ST13: variants seen among roughly 807,000 people sequenced by gnomAD.
ST13 encodes hsc70-interacting protein.
Under a neutral mutation model 56.7 loss-of-function variants are expected in ST13, and 23 were observed. The ratio of observed to expected loss-of-function variants is 0.41; its 90% CI spans 0.29 to 0.57. The LOEUF (loss-of-function observed/expected upper bound fraction) is 0.57, where lower values mean the gene tolerates loss of function less well. ST13 is among the 20% of genes least tolerant of loss of function. ST13 has a pLI of 0.36. For synonymous variants in ST13, 132 were observed against 142.4 expected, an observed-to-expected ratio of 0.93 and a Z score of 0.52; for missense variants, 369 against 459.9, an observed-to-expected ratio of 0.80 and a Z score of 1.81.
chr22:40,840,291 G>T (rs1157815941), intron 5 of ST13, among the ~76,000 whole-genome samples: 1 of 152,022 alleles, frequency 6.6e-6, no homozygotes, highest in Non-Finnish European at 1.5e-5. Context: ...CATCTGTCAA[G>T]GGTATTAGTA....
At position 40,830,900 on chromosome 22, in the gene ST13, C is replaced by A. The variant is rs747770452; in HGVS notation, c.738G>T (p.Glu246Asp). 1 of 1,606,236 alleles carries A rather than the reference C, an allele frequency of 6.2e-7. No individual in the cohort carries two copies. Among genetic ancestry groups the A allele is most frequent in the African/African-American group, 1.3e-5 (1 of 74,900 alleles). Residue 246 changes from glutamate to aspartate, a missense_variant, in exon 9 of 12, where the codon GAG becomes GAT. Coordinates refer to ENST00000216218, the MANE Select transcript of ST13 (RefSeq NM_003932.5). ...RKYERKREER[E>D]IKERIERVKK... ...TAACTCGTTCTATTCTTTCTTTGAT[C>A]TCTCGCTCTTCACGTTTTCGCTCAT...
At chr22:40,849,658 G>A (rs1048160788) in intron 2 of ST13, among the ~76,000 whole-genome samples, 1 of 151,844 alleles carries the variant, frequency 6.6e-6, no homozygotes. Context: ...CTGACACATA[G>A]GTTAAATATA....
At chr22:40,837,535 ACT>A (rs2057783642) in intron 5 of ST13, among the ~76,000 whole-genome samples, 4 of 152,108 alleles carry the variant, frequency 2.6e-5, no homozygotes, top group Non-Finnish European at 5.9e-5. Context: ...AATCCCAGCT[ACT>A]CAGGAATCTG....
At chr22:40,838,660 C>CTACTCAGG (rs1262936012) in intron 5 of ST13, among the ~76,000 whole-genome samples, 34 of 151,920 alleles carry the variant, frequency 2.2e-4, no homozygotes, top group Admixed American at 2.2e-3. Flanking sequence ...GTATTGCCAG[C>CTACTCAGG]TACTCAGGAA....
intron 1 of ST13, among the ~76,000 whole-genome samples, chr22:40,852,661 T>C (rs970241664): frequency 6.6e-6 from 1 of 152,202 alleles, no homozygotes; most frequent in African/African-American, 2.4e-5. Context: ...GTACCCTTAA[T>C]ATGGAATAGC....
chr22:40,835,552 T>G lies in ST13; in HGVS notation c.578+8A>C. ...GAGTTCTGAAAATAATTAAATTCAA[T>G]TATTTACCTGTGTGCTTTCCCCCGC... On this transcript the variant is annotated splice_region_variant and intron_variant, in intron 7 of 11. Coordinates refer to ENST00000216218, the MANE Select transcript of ST13 (RefSeq NM_003932.5). 6 of 1,596,270 alleles carry G rather than the reference T, an allele frequency of 3.8e-6. No homozygotes were observed. The highest frequency in any genetic ancestry group is 5.1e-6 in the Non-Finnish European group (6 of 1,166,056).
In ST13 at chr22:40,829,458, T is replaced by A. The variant is rs142658336; in HGVS notation, c.847+168A>T. 3.8e-3 allele frequency among the ~76,000 whole-genome samples: 572 copies of A among 152,316 alleles called. 2 individuals are homozygous for A. The highest frequency in any genetic ancestry group is 0.012 in the African/African-American group (510 of 41,586). ...CTATTTTTACACTGTACAAAAAACA[T>A]CATTTTTATGCCTAATAATTCCATC... is the stretch of plus-strand genomic sequence containing the variant. On this transcript the variant is annotated intron_variant, in intron 10 of 11. Transcript: ENST00000216218.
At chr22:40,841,352 A>G (rs868760000) in intron 4 of ST13, among the ~76,000 whole-genome samples, 35 of 152,238 alleles carry the variant, frequency 2.3e-4, no homozygotes, top group Middle Eastern at 6.8e-3. Context: ...CCTGGGTGAC[A>G]CAGAGCAAGA....
At chr22:40,847,814 C>T (rs2057840106) in intron 3 of ST13, among the ~76,000 whole-genome samples, 1 of 151,918 alleles carries the variant, frequency 6.6e-6, no homozygotes, top group African/African-American at 2.4e-5. Flanking sequence ...TTTGGGAGGC[C>T]AAGGTGGGTG....
intron 3 of ST13, among the ~76,000 whole-genome samples, chr22:40,846,886 TC>T (rs1481679677): frequency 6.6e-6 from 1 of 151,946 alleles, no homozygotes; most frequent in Non-Finnish European, 1.5e-5. Context: ...TCCCAGCTAC[TC>T]AGGAGGCTGA....
At chr22:40,856,374 C>T (rs1198214623) in intron 1 of ST13, 57 bp downstream of exon 1, 10 of 1,488,718 alleles carry the variant, frequency 6.7e-6, no homozygotes, top group Non-Finnish European at 8.4e-6. Context: ...TCCAGCCTGG[C>T]TCCCCCCTGG....
At chr22:40,852,083 T>C (rs934263034) in intron 1 of ST13, among the ~76,000 whole-genome samples, 1 of 152,208 alleles carries the variant, frequency 6.6e-6, no homozygotes, top group African/African-American at 2.4e-5. Flanking sequence ...ACACTTACAT[T>C]CATTTCAGTT....
intron 5 of ST13, among the ~76,000 whole-genome samples, chr22:40,838,531 T>C (rs1377333507): frequency 6.6e-6 from 1 of 151,768 alleles, no homozygotes; most frequent in Non-Finnish European, 1.5e-5. Flanking sequence ...GATGCTGAGC[T>C]TGGGAGGCCT....
At chr22:40,855,629 C>A (rs2057887268) in intron 1 of ST13, among the ~76,000 whole-genome samples, 1 of 152,144 alleles carries the variant, frequency 6.6e-6, no homozygotes, top group South Asian at 2.1e-4. Context: ...CTCTTCGGTG[C>A]TCCTTCAACA....
chr22:40,856,088 AGACT>A (rs753298722), intron 1 of ST13, among the ~76,000 whole-genome samples: 53 of 152,314 alleles, frequency 3.5e-4, no homozygotes, highest in Non-Finnish European at 6.8e-4. Flanking sequence ...AGGGCACACA[AGACT>A]GAAAGAAAAA....
rs376433680 is a variant in ST13 at position 40,830,880 on chromosome 22, C to T, written c.758G>A (p.Arg253Gln). 95 of 1,607,712 alleles carry T rather than the reference C, an allele frequency of 5.9e-5. No individual in the cohort carries two copies. Among genetic ancestry groups the T allele is most frequent in the Non-Finnish European group, 6.0e-5 (71 of 1,179,396 alleles). The change falls in exon 9 of 12, where the codon CGA (arginine) becomes CAA (glutamine). Residue 253 changes from arginine (R) to glutamine (Q), a missense_variant. Physicochemically the swap from Arg to Gln is conservative, Grantham distance 43. Transcript: ENST00000216218. ...EEREIKERIE[R>Q]VKKAREEHER... is the part of the protein sequence containing the mutation. ...ATGCTCTTCTCGAGCCTTCTTAACTCGTTCTATTCTTTCTTTGATCTCTCG... is the reference window on the plus strand; with the variant it reads ...ATGCTCTTCTCGAGCCTTCTTAACTTGTTCTATTCTTTCTTTGATCTCTCG...
chr22:40,842,061 G>A (rs1167130976), intron 4 of ST13, among the ~76,000 whole-genome samples: 2 of 152,204 alleles, frequency 1.3e-5, no homozygotes, highest in African/African-American at 4.8e-5. Context: ...GGACAGTTGA[G>A]TAGTGAGATT....
At position 40,825,862 on chromosome 22, in the gene ST13, T is replaced by C. The variant is rs2057725230; in HGVS notation, c.*676A>G. On this transcript the variant is annotated 3_prime_UTR_variant, in exon 12 of 12. Coordinates refer to ENST00000216218, the MANE Select transcript of ST13 (RefSeq NM_003932.5). ...ACAAGAGAACTAAGTACTCCAACTC[T>C]ACTGCAGCATTACAAAAAAAACATC... 6.6e-6 allele frequency: 1 copy of C among 152,592 alleles called. No homozygotes were observed. Among genetic ancestry groups the C allele is most frequent in the Non-Finnish European group, 1.5e-5 (1 of 68,034 alleles). 9.5% of individuals were successfully genotyped at this position (152,592 alleles called of 1,614,324 possible). A position where few individuals can be genotyped will look rare whatever the true frequency, so the allele number is the denominator to read the frequency against.
chr22:40,842,036 C>G (rs984034281), intron 4 of ST13, among the ~76,000 whole-genome samples: 6 of 152,170 alleles, frequency 3.9e-5, no homozygotes, highest in Admixed American at 1.3e-4. Context: ...TGGTATAAAC[C>G]TGTCCTACAG....
Sources: allele counts gnomAD v4.1 joint callset (sites outside exome capture counted in the v4.1 genomes callset), GRCh38; gene constraint gnomAD v4.1.1; transcripts MANE v1.5; gene names NCBI Gene and HGNC (gene_info 2026-07-23, HGNC 2026-07-21).